The following RTN4IP1 variants were observed in gnomAD, a reference collection of about 807,000 sequenced individuals.
The protein encoded by RTN4IP1 is reticulon 4 interacting protein 1.
In RTN4IP1, 32 loss-of-function variants were observed where a neutral mutation model predicts 46.6. The observed-to-expected ratio is 0.69, with a 90% confidence interval of 0.52 to 0.92. The LOEUF is 0.92. Among genes scored for constraint, RTN4IP1 ranks in the 40% least tolerant of loss-of-function variants. The pLI is 0.00. For missense variants in RTN4IP1, 424 were observed against 485.8 expected, an observed-to-expected ratio of 0.87 and a Z score of 1.20; for synonymous variants, 167 against 161.8, an observed-to-expected ratio of 1.03 and a Z score of -0.24.
Position 106,602,809 on chromosome 6 carries a change from T to C in RTN4IP1, c.669+65A>G, listed in dbSNP as rs1775977864. 6 of 1,097,596 alleles carry C rather than the reference T, an allele frequency of 5.5e-6. No individual in the cohort carries two copies. In the South Asian group the frequency reaches 9.2e-5, roughly 17 times the overall value. The allele number at this position is 1,097,596 out of a possible 1,614,324, so 68.0% of individuals were successfully genotyped here. A position where few individuals can be genotyped will look rare whatever the true frequency, so the allele number is the denominator to read the frequency against. The stretch of plus-strand genomic sequence containing the variant: ...TCTCAGCTTTTAAGGAGAAATAATG[T>C]ATCTTAATTTATAAATTCATGCAAA... On this transcript the variant is annotated intron_variant, in intron 5 of 8. Coordinates refer to ENST00000369063, the MANE Select transcript of RTN4IP1 (RefSeq NM_032730.5).
intron 1 of RTN4IP1, among the ~76,000 whole-genome samples, chr6:106,623,511 C>T (rs1469473370): frequency 1.3e-5 from 2 of 152,176 alleles, no homozygotes; most frequent in African/African-American, 4.8e-5. Flanking sequence ...ATGTAACAAA[C>T]CTGCACTTGT....
intron 7 of RTN4IP1, among the ~76,000 whole-genome samples, chr6:106,585,617 T>C (rs1022428600): frequency 6.6e-6 from 1 of 152,228 alleles, no homozygotes; most frequent in Admixed American, 6.5e-5. Context: ...AAGAGGTCTG[T>C]GTTATTCCCC....
intron 4 of RTN4IP1, chr6:106,607,629 C>T (rs1776118791): frequency 6.6e-6 from 1 of 152,082 alleles, no homozygotes; most frequent in South Asian, 2.1e-4. Flanking sequence ...TGCTGTACAT[C>T]ACTAATAATC....
upstream of RTN4IP1, chr6:106,629,826 G>A (rs954502712): frequency 2.5e-6 from 3 of 1,214,350 alleles, no homozygotes; most frequent in Admixed American, 2.1e-5. Flanking sequence ...CTCTAGAACT[G>A]AGTGGGGGAT....
intron 5 of RTN4IP1, among the ~76,000 whole-genome samples, chr6:106,600,737 G>A (rs12525436): frequency 0.033 from 5,021 of 151,970 alleles, 269 homozygotes; most frequent in East Asian, 0.2. Context: ...CATCCATGCT[G>A]TATCATCATC....
intron 4 of RTN4IP1, among the ~76,000 whole-genome samples, chr6:106,610,464 T>C (rs1161601453): frequency 1.3e-5 from 2 of 152,204 alleles, no homozygotes; most frequent in African/African-American, 4.8e-5. Context: ...CACAGCACGT[T>C]CAATGCAAAG....
chr6:106,602,365 C>T (rs1775968696), intron 5 of RTN4IP1, among the ~76,000 whole-genome samples: 1 of 152,060 alleles, frequency 6.6e-6, no homozygotes, highest in Admixed American at 6.5e-5. Context: ...GGTATTTTGG[C>T]TACTGTATTT....
chr6:106,621,383 G>T lies in RTN4IP1; in HGVS notation c.495+42C>A, dbSNP rs184912869. On this transcript the variant is annotated intron_variant, in intron 3 of 8. Coordinates refer to ENST00000369063, the MANE Select transcript of RTN4IP1 (RefSeq NM_032730.5). The stretch of plus-strand genomic sequence containing the variant: ...TTATTTCAGATATTTGCCAGTCTTT[G>T]TTTAAACTTTCTAATGCATTTCAGC... 1,871 of 1,428,240 alleles carry T rather than the reference G, an allele frequency of 1.3e-3. 6 individuals carry two copies. Among genetic ancestry groups the T allele is most frequent in the Admixed American group, 3.6e-3 (217 of 59,644 alleles). The allele number at this position is 1,428,240 out of a possible 1,614,324, so 88.5% of individuals were successfully genotyped here.
intron 8 of RTN4IP1, among the ~76,000 whole-genome samples, chr6:106,576,028 C>T (rs1020375270): frequency 3.3e-5 from 5 of 152,174 alleles, no homozygotes; most frequent in East Asian, 1.9e-4. Flanking sequence ...GCACCAGGAC[C>T]GCAGTTCCAG....
At chr6:106,584,028 T>C (rs1386739985) in intron 7 of RTN4IP1, among the ~76,000 whole-genome samples, 1 of 152,184 alleles carries the variant, frequency 6.6e-6, no homozygotes, top group Non-Finnish European at 1.5e-5. Context: ...TACAGGGCAA[T>C]ACCCTCCAAA....
chr6:106,629,967 G>A (rs1474190515), upstream of RTN4IP1, among the ~76,000 whole-genome samples: 1 of 151,282 alleles, frequency 6.6e-6, no homozygotes, highest in Admixed American at 6.7e-5. Context: ...TTGCTCTGGT[G>A]TAGGTCGGGA....
At chr6:106,609,141 C>T (rs1776159760) in intron 4 of RTN4IP1, among the ~76,000 whole-genome samples, 1 of 152,200 alleles carries the variant, frequency 6.6e-6, no homozygotes, top group African/African-American at 2.4e-5. Flanking sequence ...TTATCTATGC[C>T]ACACATCCTA....
chr6:106,612,026 T>C (rs948220318), intron 4 of RTN4IP1, among the ~76,000 whole-genome samples: 5 of 152,118 alleles, frequency 3.3e-5, no homozygotes, highest in African/African-American at 1.2e-4. Context: ...CCAAATGGGA[T>C]AGGCAGTGGG....
At chr6:106,586,498 A>T (rs2114632552) in intron 7 of RTN4IP1, among the ~76,000 whole-genome samples, 1 of 151,890 alleles carries the variant, frequency 6.6e-6, no homozygotes, top group South Asian at 2.1e-4. Context: ...CAGCCTCCTG[A>T]GCAGCTGAAC....
chr6:106,584,181 C>T (rs1398663653), intron 7 of RTN4IP1, among the ~76,000 whole-genome samples: 2 of 152,210 alleles, frequency 1.3e-5, no homozygotes, highest in Non-Finnish European at 2.9e-5. Flanking sequence ...TCAAGCAATC[C>T]TCTCACCTCA....
intron 8 of RTN4IP1, among the ~76,000 whole-genome samples, chr6:106,579,441 C>T (rs1775305223): frequency 6.6e-6 from 1 of 152,146 alleles, no homozygotes; most frequent in Admixed American, 6.5e-5. Flanking sequence ...TTCGTGATGA[C>T]AGTCATGTGA....
At chr6:106,619,088 C>T (rs1582388317) in intron 4 of RTN4IP1, 114 bp downstream of exon 4, 1 of 1,177,754 alleles carries the variant, frequency 8.5e-7, no homozygotes, top group African/African-American at 1.5e-5. Flanking sequence ...AATGTTAGTA[C>T]AGCTCTGTTC....
intron 5 of RTN4IP1, among the ~76,000 whole-genome samples, chr6:106,598,219 G>A (rs1052632621): frequency 2.4e-4 from 36 of 152,280 alleles, no homozygotes; most frequent in African/African-American, 8.2e-4. Flanking sequence ...CCAGTAATGG[G>A]ATGGCTGGGT....
intron 8 of RTN4IP1, among the ~76,000 whole-genome samples, chr6:106,582,013 G>T (rs1775383536): frequency 1.3e-5 from 2 of 152,138 alleles, no homozygotes; most frequent in African/African-American, 4.8e-5. Flanking sequence ...CCCCACAAAG[G>T]AGGAGTTACA....
Sources: gnomAD v4.1 joint callset for allele counts (sites outside exome capture counted in the v4.1 genomes callset) on GRCh38, gnomAD v4.1.1 for gene constraint, MANE v1.5 for transcripts, NCBI Gene and HGNC (gene_info 2026-07-23, HGNC 2026-07-21) for gene names.